Variants in LRRC3B observed in about 807,000 individuals in gnomAD.
LRRC3B encodes the protein leucine-rich repeat-containing protein 3B.
Under a neutral mutation model 12.8 loss-of-function variants are expected in LRRC3B, and 2 were observed. That is an observed-to-expected ratio of 0.16 (90% CI 0.06 to 0.49). The LOEUF is 0.49. Ranked by LOEUF, LRRC3B falls within the 20% of genes least tolerant of loss-of-function variation. LRRC3B has a pLI of 0.96. For synonymous variants in LRRC3B, 132 were observed against 122.0 expected, an observed-to-expected ratio of 1.08 and a Z score of -0.54; for missense variants, 189 against 319.4, an observed-to-expected ratio of 0.59 and a Z score of 3.11.
chr3:26,630,721 T>C (rs1337798782), intron 1 of LRRC3B, among the ~76,000 whole-genome samples: 1 of 152,192 alleles, frequency 6.6e-6, no homozygotes, highest in Non-Finnish European at 1.5e-5. Context: ...TTTTTTTCCA[T>C]GCAAGTTCAT....
At position 26,662,493 on chromosome 3, in the gene LRRC3B, T is replaced by C. The variant is rs1254822710; in HGVS notation, c.-161+39256T>C. On this transcript the variant is annotated intron_variant, in intron 1 of 1. Coordinates refer to ENST00000396641, the Ensembl canonical transcript of LRRC3B. ...ACCCTGGCAGCCCCAGCCCCTCCTC[T>C]GAAATCTCTCTACCGCTAAAACTAC... 2.6e-5 allele frequency among the ~76,000 whole-genome samples: 4 copies of C among 152,112 alleles called. No individual in the cohort carries two copies. The East Asian group carries it at 7.7e-4, about 29-fold the overall frequency.
At chr3:26,640,803 G>A (rs1234788811) in intron 1 of LRRC3B, among the ~76,000 whole-genome samples, 3 of 152,124 alleles carry the variant, frequency 2.0e-5, no homozygotes, top group Non-Finnish European at 4.4e-5. Flanking sequence ...CCATTGGACT[G>A]TGAGCTGGCG....
intron 1 of LRRC3B, among the ~76,000 whole-genome samples, chr3:26,686,374 C>T (rs557981610): frequency 5.0e-4 from 76 of 152,280 alleles, no homozygotes; most frequent in Non-Finnish European, 6.9e-4. Flanking sequence ...CCACCGCGCC[C>T]GGCCGGTAAA....
chr3:26,671,373 T>TAGAGAGAGAGAGAGAGAG lies in LRRC3B; in HGVS notation c.-160-38116_-160-38099dup, dbSNP rs1195473054. Among the ~76,000 whole-genome samples the TAGAGAGAGAGAGAGAGAG allele has an allele frequency of 3.8e-3, 108 of 28,256 alleles. 5 individuals are homozygous for TAGAGAGAGAGAGAGAGAG. The highest frequency in any genetic ancestry group is 4.8e-3 in the Admixed American group (7 of 1,456). 18.5% of individuals were successfully genotyped at this position (28,256 alleles called of 152,430 possible). On this transcript the variant is annotated intron_variant, in intron 1 of 1. Transcript: ENST00000396641. ...GTGTATATATATATATATATATATATAGAGAGAGAGAGAGAGAGAGAGAGA... is the reference window on the plus strand; with the variant it reads ...GTGTATATATATATATATATATATATAGAGAGAGAGAGAGAGAGAGAGAGAGAGAGAGAGAGAGAGAGA...
intron 1 of LRRC3B, among the ~76,000 whole-genome samples, chr3:26,647,599 A>G (rs1006805281): frequency 1.3e-5 from 2 of 152,162 alleles, no homozygotes; most frequent in Non-Finnish European, 2.9e-5. Context: ...CCATTGCCCC[A>G]GCCCAAATTA....
At chr3:26,648,598 C>G (rs1476122208) in intron 1 of LRRC3B, among the ~76,000 whole-genome samples, 2 of 152,128 alleles carry the variant, frequency 1.3e-5, no homozygotes, top group African/African-American at 4.8e-5. Context: ...CTGTGTTTCT[C>G]CTGTCCCCTC....
chr3:26,680,538 A>T (rs1699949966), intron 1 of LRRC3B, among the ~76,000 whole-genome samples: 2 of 152,226 alleles, frequency 1.3e-5, no homozygotes, highest in Non-Finnish European at 2.9e-5. Flanking sequence ...GTAGCCCAGA[A>T]GTGTCACACG....
intron 1 of LRRC3B, among the ~76,000 whole-genome samples, chr3:26,701,925 C>T (rs1237696182): frequency 6.6e-6 from 1 of 152,112 alleles, no homozygotes. Context: ...TAACCAAGAA[C>T]CTTGTCAGAA....
At chr3:26,686,697 A>C (rs1700095644) in intron 1 of LRRC3B, among the ~76,000 whole-genome samples, 1 of 152,164 alleles carries the variant, frequency 6.6e-6, no homozygotes, top group Admixed American at 6.5e-5. Flanking sequence ...AGGGAAGAAG[A>C]CTCTGAGATG....
intron 1 of LRRC3B, among the ~76,000 whole-genome samples, chr3:26,708,717 G>A (rs1394606981): frequency 6.6e-6 from 1 of 152,146 alleles, no homozygotes; most frequent in Middle Eastern, 3.2e-3. Flanking sequence ...TATGCAACAT[G>A]CAACATATGG....
intron 1 of LRRC3B, among the ~76,000 whole-genome samples, chr3:26,635,831 C>T (rs1698857690): frequency 6.6e-6 from 1 of 152,122 alleles, no homozygotes; most frequent in South Asian, 2.1e-4. Flanking sequence ...TTTAATGAAT[C>T]AATGAACACT....
chr3:26,657,124 T>G (rs547864188), intron 1 of LRRC3B, among the ~76,000 whole-genome samples: 1 of 152,332 alleles, frequency 6.6e-6, no homozygotes, highest in East Asian at 1.9e-4. Context: ...ATATTTGTTT[T>G]TAATATAATC....
chr3:26,632,555 C>G (rs1022885858), intron 1 of LRRC3B, among the ~76,000 whole-genome samples: 2 of 152,038 alleles, frequency 1.3e-5, no homozygotes, highest in African/African-American at 4.8e-5. Context: ...GCCGTTACCC[C>G]CTAGACCCAG....
intron 1 of LRRC3B, among the ~76,000 whole-genome samples, chr3:26,636,978 C>CTCTCTCTCTCTT (rs1553601419): frequency 1.1e-5 from 1 of 88,078 alleles, no homozygotes; most frequent in Non-Finnish European, 2.3e-5. Flanking sequence ...TTCTTTCTCT[C>CTCTCTCTCTCTT]TCTCTCTTTC....
chr3:26,633,929 G>A (rs111621834), intron 1 of LRRC3B, among the ~76,000 whole-genome samples: 1,992 of 152,258 alleles, frequency 0.013, 37 homozygotes, highest in African/African-American at 0.044. Flanking sequence ...ATATTTTTAT[G>A]TGTAAGCTCC....
intron 1 of LRRC3B, among the ~76,000 whole-genome samples, chr3:26,670,383 A>G (rs1699695194): frequency 6.6e-6 from 1 of 152,198 alleles, no homozygotes; most frequent in Non-Finnish European, 1.5e-5. Context: ...AGAAGATCAT[A>G]ATAGATTATA....
intron 1 of LRRC3B, among the ~76,000 whole-genome samples, chr3:26,688,636 C>T (rs551064898): frequency 3.3e-5 from 5 of 152,148 alleles, no homozygotes; most frequent in Middle Eastern, 3.2e-3. Flanking sequence ...CACTTTTCAA[C>T]AACCAGATCT....
intron 1 of LRRC3B, among the ~76,000 whole-genome samples, chr3:26,652,834 C>T (rs1699292664): frequency 6.6e-6 from 1 of 152,076 alleles, no homozygotes; most frequent in Admixed American, 6.5e-5. Context: ...CAAAGCATCT[C>T]CCCAAATTTT....
At chr3:26,689,039 A>G (rs548120460) in intron 1 of LRRC3B, among the ~76,000 whole-genome samples, 1 of 152,238 alleles carries the variant, frequency 6.6e-6, no homozygotes, top group African/African-American at 2.4e-5. Flanking sequence ...GCCACTTTCC[A>G]CAGGTGGAGA....
Sources: allele counts gnomAD v4.1 joint callset (sites outside exome capture counted in the v4.1 genomes callset), GRCh38; gene constraint gnomAD v4.1.1; transcripts MANE v1.5; gene names NCBI Gene and HGNC (gene_info 2026-07-23, HGNC 2026-07-21).